FGGY: variants seen among roughly 807,000 people sequenced by gnomAD.
The protein encoded by FGGY is FGGY carbohydrate kinase domain containing, also known as FGGY carbohydrate kinase domain-containing protein.
Under a neutral mutation model 71.3 loss-of-function variants are expected in FGGY, and 72 were observed. The observed-to-expected ratio is 1.01, with a 90% CI of 0.84 to 1.23. The LOEUF is 1.23. Among genes scored for constraint, FGGY ranks in the 50% most tolerant of loss-of-function variants. The pLI, the probability that FGGY is intolerant of heterozygous loss-of-function variation, is 0.00. For missense variants in FGGY, 668 were observed against 682.3 expected, an observed-to-expected ratio of 0.98 and a Z score of 0.23; for synonymous variants, 251 against 250.3, an observed-to-expected ratio of 1.00 and a Z score of -0.02.
intron 7 of FGGY, among the ~76,000 whole-genome samples, chr1:59,534,207 G>C (rs559811583): frequency 2.6e-5 from 4 of 152,114 alleles, no homozygotes; most frequent in Non-Finnish European, 5.9e-5. Flanking sequence ...GAGCCGATGC[G>C]ATCACCTAGA....
At chr1:59,473,205 T>G (rs4644520) in intron 6 of FGGY, among the ~76,000 whole-genome samples, 1,754 of 152,220 alleles carry the variant, frequency 0.012, 44 homozygotes, top group African/African-American at 0.04. Context: ...TGCAAAGGTC[T>G]GCAGCTTCAC....
At chr1:59,541,835 A>G (rs1226280711) in intron 7 of FGGY, among the ~76,000 whole-genome samples, 1 of 152,200 alleles carries the variant, frequency 6.6e-6, no homozygotes, top group Non-Finnish European at 1.5e-5. Context: ...ACCTAAGTTT[A>G]TATTCCATGC....
intron 14 of FGGY, among the ~76,000 whole-genome samples, chr1:59,738,406 C>A (rs892181466): frequency 6.6e-6 from 1 of 152,150 alleles, no homozygotes; most frequent in African/African-American, 2.4e-5. Context: ...CACCAGATGG[C>A]AAACAAGAAT....
chr1:59,762,613 G>A lies in FGGY; in HGVS notation c.*29G>A. On this transcript the variant is annotated 3_prime_UTR_variant, in exon 16 of 16. Transcript: ENST00000303721. ...GGGCTTGCAGGTGCTGATGCCAGAAGCTTCTGTGCCATTGCATTAAAGACT... is the reference window on the plus strand; with the variant it reads ...GGGCTTGCAGGTGCTGATGCCAGAAACTTCTGTGCCATTGCATTAAAGACT... The A allele has an allele frequency of 6.4e-7, 1 of 1,559,918 alleles. No homozygotes were observed. Among genetic ancestry groups the A allele is most frequent in the Non-Finnish European group, 8.8e-7 (1 of 1,141,512 alleles).
At chr1:59,547,298 A>C (rs1290934595) in intron 7 of FGGY, among the ~76,000 whole-genome samples, 1 of 152,046 alleles carries the variant, frequency 6.6e-6, no homozygotes, top group African/African-American at 2.4e-5. Flanking sequence ...CTTGAGGTTA[A>C]CCCTTTGGGT....
At chr1:59,722,554 T>G (rs2100674332) in intron 14 of FGGY, among the ~76,000 whole-genome samples, 1 of 152,370 alleles carries the variant, frequency 6.6e-6, no homozygotes, top group Admixed American at 6.5e-5. Flanking sequence ...TTTATATTTT[T>G]GGTTATAATC....
intron 4 of FGGY, among the ~76,000 whole-genome samples, chr1:59,372,229 C>T (rs2057789248): frequency 6.6e-6 from 1 of 152,098 alleles, no homozygotes; most frequent in South Asian, 2.1e-4. Context: ...AAGGGAATAT[C>T]ACCACCGATC....
At chr1:59,485,646 A>G (rs978889935) in intron 6 of FGGY, among the ~76,000 whole-genome samples, 1 of 152,234 alleles carries the variant, frequency 6.6e-6, no homozygotes, top group East Asian at 1.9e-4. Flanking sequence ...ACACTTAATC[A>G]TAACTAATAA....
At chr1:59,675,305 T>G (rs1267195009) in intron 14 of FGGY, among the ~76,000 whole-genome samples, 1 of 152,208 alleles carries the variant, frequency 6.6e-6, no homozygotes, top group African/African-American at 2.4e-5. Flanking sequence ...CCAGACACTA[T>G]GCTAGGTGCT....
intron 14 of FGGY, among the ~76,000 whole-genome samples, chr1:59,690,960 T>G (rs1447512601): frequency 6.6e-6 from 1 of 152,258 alleles, no homozygotes; most frequent in Non-Finnish European, 1.5e-5. Context: ...GTTCTGTTAC[T>G]AGTAACTCAG....
chr1:59,424,502 G>A (rs1202046243), intron 5 of FGGY, among the ~76,000 whole-genome samples: 10 of 152,054 alleles, frequency 6.6e-5, no homozygotes, highest in South Asian at 2.1e-4. Context: ...AGCCAAAATC[G>A]CGCCACTGCA....
chr1:59,404,964 A>C (rs2062522239), intron 5 of FGGY, among the ~76,000 whole-genome samples: 1 of 152,148 alleles, frequency 6.6e-6, no homozygotes, highest in South Asian at 2.1e-4. Context: ...TAAATGCAAC[A>C]CGTGATGATG....
intron 2 of FGGY, among the ~76,000 whole-genome samples, chr1:59,335,324 T>C (rs835385): frequency 0.4 from 61,163 of 151,984 alleles, 12,766 homozygotes; most frequent in African/African-American, 0.51. Flanking sequence ...CTTTTATATC[T>C]GGCTCTTTTC....
intron 1 of FGGY, among the ~76,000 whole-genome samples, chr1:59,310,908 TTAA>T (rs1278597600): frequency 1.3e-5 from 2 of 152,208 alleles, no homozygotes; most frequent in African/African-American, 4.8e-5. Flanking sequence ...ATTTTATATA[TTAA>T]TAATCCTCTC....
chr1:59,740,171 A>G (rs1328093814), intron 14 of FGGY, among the ~76,000 whole-genome samples: 2 of 152,212 alleles, frequency 1.3e-5, no homozygotes, highest in African/African-American at 4.8e-5. Flanking sequence ...CTTTTTAAAC[A>G]ACTCTTCTTG....
At chr1:59,746,211 T>C (rs1477028654) in intron 14 of FGGY, among the ~76,000 whole-genome samples, 2 of 152,200 alleles carry the variant, frequency 1.3e-5, no homozygotes, top group African/African-American at 4.8e-5. Flanking sequence ...TGTGTCATTG[T>C]ATCTCCATCA....
At chr1:59,366,840 G>A (rs1221687330) in intron 4 of FGGY, among the ~76,000 whole-genome samples, 2 of 152,090 alleles carry the variant, frequency 1.3e-5, no homozygotes, top group Non-Finnish European at 2.9e-5. Flanking sequence ...TTTGAATCAA[G>A]GGCAGAGGTT....
intron 5 of FGGY, among the ~76,000 whole-genome samples, chr1:59,393,489 G>A (rs907756417): frequency 2.0e-5 from 3 of 150,790 alleles, no homozygotes; most frequent in African/African-American, 7.3e-5. Context: ...CTGTGAAACA[G>A]GGGGTGTTTG....
At chr1:59,590,871 A>G (rs2096419362) in intron 8 of FGGY, among the ~76,000 whole-genome samples, 1 of 152,158 alleles carries the variant, frequency 6.6e-6, no homozygotes, top group African/African-American at 2.4e-5. Context: ...CCCTTTGAAA[A>G]CTGGCACAAG....
Sources: gnomAD v4.1 joint callset for allele counts (sites outside exome capture counted in the v4.1 genomes callset) on GRCh38, gnomAD v4.1.1 for gene constraint, MANE v1.5 for transcripts, NCBI Gene and HGNC (gene_info 2026-07-23, HGNC 2026-07-21) for gene names.